The following FAM98A variants were observed in gnomAD, a reference collection of about 807,000 sequenced individuals.
The protein encoded by FAM98A is protein FAM98A.
FAM98A carries 25 observed loss-of-function variants against 62.9 expected under a neutral mutation model. That is an observed-to-expected ratio of 0.40 (90% CI 0.29 to 0.56). The LOEUF (loss-of-function observed/expected upper bound fraction) is 0.56, where lower values mean the gene tolerates loss of function less well. Among genes scored for constraint, FAM98A ranks in the 20% least tolerant of loss-of-function variants. The pLI, the probability that FAM98A is intolerant of heterozygous loss-of-function variation, is 0.51. For missense variants in FAM98A, 653 were observed against 640.7 expected (o/e 1.02, Z -0.21); for synonymous variants, 252 against 228.6 (o/e 1.10, Z -0.92).
intron 4 of FAM98A, 53 bp from the exon 5 acceptor site, chr2:33,587,373 C>T: frequency 7.9e-7 from 1 of 1,272,434 alleles, no homozygotes; most frequent in Non-Finnish European, 1.1e-6. Context: ...AAAACATCCT[C>T]ATCTTCCCAA....
rs1677508129 is a variant in FAM98A at position 33,585,088 on chromosome 2, A to G, written c.1245T>C (p.Ser415=). 1 of 1,614,122 alleles carries G rather than the reference A, an allele frequency of 6.2e-7. No homozygotes were observed. The highest frequency in any genetic ancestry group is 1.3e-5 in the African/African-American group (1 of 75,032). Residue 415 remains serine (S), a synonymous_variant, in exon 8 of 8, where the codon AGT becomes AGC. Transcript: ENST00000238823. ...QPGGYHGGHS[S]GGYQGGGYGG... ...CATAACCTCCGCCTTGATAGCCACC[A>G]CTGCTGTGGCCACCATGATAGCCAC...
intron 1 of FAM98A, among the ~76,000 whole-genome samples, chr2:33,598,768 G>A (rs1356978136): frequency 6.6e-6 from 1 of 152,150 alleles, no homozygotes; most frequent in Non-Finnish European, 1.5e-5. Flanking sequence ...GATGGGAGTA[G>A]GAAATTTGGA....
intron 3 of FAM98A, among the ~76,000 whole-genome samples, chr2:33,590,579 A>T (rs961023844): frequency 7.2e-5 from 11 of 152,200 alleles, no homozygotes; most frequent in Non-Finnish European, 1.6e-4. Context: ...ATAAAGAGGG[A>T]AACAGTGTGT....
intron 1 of FAM98A, among the ~76,000 whole-genome samples, chr2:33,597,981 CTT>C (rs1016281453): frequency 5.9e-5 from 9 of 152,210 alleles, no homozygotes; most frequent in African/African-American, 2.2e-4. Context: ...TGCTGAATGA[CTT>C]TAACATATGC....
At position 33,597,594 on chromosome 2, in the gene FAM98A, GA is replaced by G. The variant is rs534910594; in HGVS notation, c.53+1574del. ...AATAAAAAGTTAAAAAAAGGAGGGG[GA>G]AAAAAAAAGACAATAATGGGAAGAA... On this transcript the variant is annotated intron_variant, in intron 1 of 7. Coordinates refer to ENST00000238823, the MANE Select transcript of FAM98A (RefSeq NM_015475.5). 2.2e-3 allele frequency among the ~76,000 whole-genome samples: 324 copies of G among 150,150 alleles called. 6 individuals carry two copies. The highest frequency in any genetic ancestry group is 4.7e-4 in the Non-Finnish European group (32 of 67,400).
At chr2:33,592,291 G>T in intron 2 of FAM98A, 77 bp from the exon 3 acceptor site, 1 of 1,160,240 alleles carries the variant, frequency 8.6e-7, no homozygotes, top group Non-Finnish European at 1.2e-6. Context: ...ATATATAATT[G>T]AAATTGTTAA....
At chr2:33,594,297 C>A (rs1010089117) in intron 2 of FAM98A, among the ~76,000 whole-genome samples, 2 of 151,904 alleles carry the variant, frequency 1.3e-5, no homozygotes, top group Non-Finnish European at 2.9e-5. Flanking sequence ...TCATCCTCCA[C>A]AAACTAACAC....
intron 2 of FAM98A, among the ~76,000 whole-genome samples, chr2:33,594,329 C>T (rs1396337620): frequency 6.6e-6 from 1 of 151,798 alleles, no homozygotes; most frequent in Non-Finnish European, 1.5e-5. Context: ...AAAAACACCA[C>T]ATGTTCTCAC....
intron 2 of FAM98A, 60 bp from the exon 3 acceptor site, chr2:33,592,274 A>C: frequency 7.7e-7 from 1 of 1,304,894 alleles, no homozygotes; most frequent in East Asian, 2.4e-5. Flanking sequence ...TTAGCATAAC[A>C]ATTATTATAT....
intron 1 of FAM98A, among the ~76,000 whole-genome samples, chr2:33,597,891 C>G (rs1190510969): frequency 1.3e-5 from 2 of 152,170 alleles, no homozygotes; most frequent in African/African-American, 2.4e-5. Flanking sequence ...AGAAACTGTT[C>G]CTAAAAAAGT....
At chr2:33,594,706 T>TACACAC (rs369915585) in intron 2 of FAM98A, among the ~76,000 whole-genome samples, 198 of 13,340 alleles carry the variant, frequency 0.015, 59 homozygotes, top group African/African-American at 0.064. Context: ...CATATATATA[T>TACACAC]ACACACACAC....
In FAM98A at chr2:33,584,861, C is replaced by G; in HGVS notation, c.1472G>C (p.Gly491Ala). ...GGRGSQNYHQGGQFEQHFQHG... is the reference protein window; with the variant it reads ...GGRGSQNYHQAGQFEQHFQHG... The stretch of plus-strand genomic sequence containing the variant: ...CTGGAAATGCTGTTCAAATTGACCC[C>G]CTTGGTGATAATTCTGGCTCCCTCT... Residue 491 changes from glycine (G) to alanine (A), a missense_variant, in exon 8 of 8, where the codon GGG becomes GCG. Gly to Ala is a moderately conservative substitution (Grantham distance 60, BLOSUM62 0). Transcript: ENST00000238823. The G allele has an allele frequency of 6.2e-7, 1 of 1,614,114 alleles. No individual in the cohort carries two copies. Among genetic ancestry groups the G allele is most frequent in the South Asian group, 1.1e-5 (1 of 91,074 alleles).
chr2:33,586,818 A>G (rs539409961), intron 5 of FAM98A, 140 bp from the exon 6 acceptor site: 14 of 604,048 alleles, frequency 2.3e-5, no homozygotes, highest in Non-Finnish European at 3.8e-5. Flanking sequence ...CATATAATAT[A>G]CTAACAATTA....
chr2:33,587,281 C>T lies in FAM98A; in HGVS notation c.562G>A (p.Gly188Arg). The T allele has an allele frequency of 6.2e-7, 1 of 1,613,600 alleles. No homozygotes were observed. The highest frequency in any genetic ancestry group is 8.5e-7 in the Non-Finnish European group (1 of 1,179,584). ...TLAKVPPNHV[G>R]KPLLKKPMGP... ...ATTGGCTTCTTCAGTAAAGGCTTTC[C>T]CACATGATTAGGTGGAACTTTTGCT... Residue 188 changes from glycine to arginine, a missense_variant, in exon 5 of 8, where the codon GGA becomes AGA. Gly to Arg is a moderately radical substitution (Grantham distance 125, BLOSUM62 -2). Coordinates refer to ENST00000238823, the MANE Select transcript of FAM98A (RefSeq NM_015475.5).
rs142035383 is a variant in FAM98A at position 33,595,319 on chromosome 2, C to T, written c.202+170G>A. ...ACATGACTTTATTCTGGTATTTCAA[C>T]TTCTGAATCACCTCTAAAAACAACG... On this transcript the variant is annotated intron_variant, in intron 2 of 7. Transcript: ENST00000238823. Among the ~76,000 whole-genome samples the T allele has an allele frequency of 5.7e-3, 865 of 152,262 alleles. 2 individuals carry two copies. Among genetic ancestry groups the T allele is most frequent in the Non-Finnish European group, 8.4e-3 (573 of 68,022 alleles).
Position 33,584,307 on chromosome 2 carries a change from C to A in FAM98A, c.*469G>T, listed in dbSNP as rs1677483133. On this transcript the variant is annotated 3_prime_UTR_variant, in exon 8 of 8. Coordinates refer to ENST00000238823, the MANE Select transcript of FAM98A (RefSeq NM_015475.5). ...CATAAAAGTCAACCGGGGGGCAGAA[C>A]TGTGCTTGGAAAATAGGCATTGGAA... The A allele has an allele frequency of 6.3e-6, 1 of 158,946 alleles. No individual in the cohort carries two copies. The highest frequency in any genetic ancestry group is 6.0e-5 in the Admixed American group (1 of 16,698). The allele number at this position is 158,946 out of a possible 1,614,324, so 9.8% of individuals were successfully genotyped here. A position where few individuals can be genotyped will look rare whatever the true frequency, so the allele number is the denominator to read the frequency against.
At chr2:33,598,851 G>C (rs576695995) in intron 1 of FAM98A, among the ~76,000 whole-genome samples, 1 of 152,282 alleles carries the variant, frequency 6.6e-6, no homozygotes, top group Admixed American at 6.5e-5. Context: ...GCAGGAGGAT[G>C]AAGCGAGGAG....
At chr2:33,587,097 T>A in intron 5 of FAM98A, 143 bp downstream of exon 5, 1 of 562,030 alleles carries the variant, frequency 1.8e-6, no homozygotes, top group East Asian at 2.8e-5. Context: ...ATCCTGAGAT[T>A]CACAAAATGA....
chr2:33,589,354 A>G (rs1371259292), intron 3 of FAM98A: 1 of 152,266 alleles, frequency 6.6e-6, no homozygotes, highest in East Asian at 1.9e-4. Flanking sequence ...GGACATTTCA[A>G]TTTTTATAAA....
Sources: allele counts gnomAD v4.1 joint callset (sites outside exome capture counted in the v4.1 genomes callset), GRCh38; gene constraint gnomAD v4.1.1; transcripts MANE v1.5; gene names NCBI Gene and HGNC (gene_info 2026-07-23, HGNC 2026-07-21).